The following PTPRG variants were observed in gnomAD, a reference collection of about 807,000 sequenced individuals.
PTPRG encodes receptor-type tyrosine-protein phosphatase gamma.
In PTPRG, 102 loss-of-function variants were observed where a neutral mutation model predicts 165.3. The observed-to-expected ratio is 0.62, with a 90% confidence interval of 0.53 to 0.73. The LOEUF (loss-of-function observed/expected upper bound fraction) is 0.73, where lower values mean the gene tolerates loss of function less well. PTPRG is among the 30% of genes least tolerant of loss of function. PTPRG has a pLI of 0.00. For missense variants in PTPRG, 1,866 were observed against 1,861.4 expected (o/e 1.00, Z -0.05); for synonymous variants, 675 against 669.5 (o/e 1.01, Z -0.13).
At chr3:61,926,185 G>C (rs780060591) in intron 2 of PTPRG, among the ~76,000 whole-genome samples, 14 of 152,140 alleles carry the variant, frequency 9.2e-5, no homozygotes, top group Non-Finnish European at 1.5e-4. Context: ...TTGAGTGGTT[G>C]GTAGCTGATA....
At chr3:61,971,086 G>A (rs1315473869) in intron 2 of PTPRG, among the ~76,000 whole-genome samples, 1 of 152,050 alleles carries the variant, frequency 6.6e-6, no homozygotes, top group African/African-American at 2.4e-5. Context: ...ACGGAATGTC[G>A]CTGTCACCCA....
intron 5 of PTPRG, among the ~76,000 whole-genome samples, chr3:62,081,276 ACAAACAAACAAACAAAC>A (rs1701569148): frequency 6.6e-6 from 1 of 150,954 alleles, no homozygotes; most frequent in African/African-American, 2.5e-5. Flanking sequence ...AAACAAACAA[ACAAACAAACAAACAAAC>A]AAAAACATAA....
intron 4 of PTPRG, among the ~76,000 whole-genome samples, chr3:62,065,947 T>G (rs553288150): frequency 5.3e-5 from 8 of 152,320 alleles, no homozygotes; most frequent in Non-Finnish European, 2.9e-5. Flanking sequence ...TTTAGTTGTT[T>G]TGGATGTGTG....
At chr3:61,714,709 A>G (rs530855749) in intron 1 of PTPRG, among the ~76,000 whole-genome samples, 1 of 152,310 alleles carries the variant, frequency 6.6e-6, no homozygotes, top group East Asian at 1.9e-4. Context: ...TCCTTCCACC[A>G]GGAGGGCTGC....
chr3:61,938,969 T>G (rs2039545868), intron 2 of PTPRG, among the ~76,000 whole-genome samples: 1 of 152,204 alleles, frequency 6.6e-6, no homozygotes, highest in South Asian at 2.1e-4. Context: ...AAAAGTAGAT[T>G]CAGACATCAA....
intron 2 of PTPRG, chr3:61,749,284 T>C: frequency 2.4e-6 from 1 of 420,486 alleles, no homozygotes. Context: ...TTGTCTTTTC[T>C]GTTTTTTCAG....
intron 5 of PTPRG, among the ~76,000 whole-genome samples, chr3:62,083,648 A>G (rs1476938564): frequency 6.6e-6 from 1 of 152,224 alleles, no homozygotes. Flanking sequence ...TTGGTAGAAG[A>G]AAGAGTACCC....
intron 2 of PTPRG, among the ~76,000 whole-genome samples, chr3:61,766,539 A>T (rs2034020643): frequency 6.6e-6 from 1 of 151,966 alleles, no homozygotes; most frequent in Non-Finnish European, 1.5e-5. Context: ...AGCTCTCTTT[A>T]GTAGACTGCA....
chr3:62,168,903 CTCTCAGCAGGA>C (rs1705103056), intron 8 of PTPRG, among the ~76,000 whole-genome samples: 1 of 152,074 alleles, frequency 6.6e-6, no homozygotes, highest in African/African-American at 2.4e-5. Flanking sequence ...GCGGAGTTGG[CTCTCAGCAGGA>C]TGTATAGGGA....
Position 62,217,167 on chromosome 3 carries a change from T to A in PTPRG, c.2156-1684T>A, listed in dbSNP as rs1289407667. 6.6e-6 allele frequency among the ~76,000 whole-genome samples: 1 copy of A among 151,996 alleles called. No individual in the cohort carries two copies. The highest frequency in any genetic ancestry group is 2.4e-5 in the African/African-American group (1 of 41,378). ...CTTGGTAAGAATCTCTCCTATCTAA[T>A]GAAAAAATGGAGCAGGGAGTTAGGA... On this transcript the variant is annotated intron_variant, in intron 12 of 29. Transcript: ENST00000474889. This position sits in a 1 kb window ranked among gnomAD's most constrained non-coding sequence, Gnocchi z 4.3.
intron 2 of PTPRG, among the ~76,000 whole-genome samples, chr3:61,891,234 C>A (rs2038205943): frequency 6.6e-6 from 1 of 152,110 alleles, no homozygotes; most frequent in Non-Finnish European, 1.5e-5. Context: ...AAGAGAATCA[C>A]TTGAATCAGG....
chr3:61,748,820 C>G, intron 1 of PTPRG, 58 bp from the exon 2 acceptor site: 1 of 1,415,178 alleles, frequency 7.1e-7, no homozygotes, highest in East Asian at 2.3e-5. Flanking sequence ...ATTTGACACC[C>G]TTCCTGTATC....
At chr3:62,042,721 G>C (rs967284367) in intron 4 of PTPRG, among the ~76,000 whole-genome samples, 2 of 152,146 alleles carry the variant, frequency 1.3e-5, no homozygotes, top group African/African-American at 4.8e-5. Context: ...ATTCTGTGCT[G>C]TAAGTGCTTG....
chr3:62,041,724 G>C (rs62243286), intron 4 of PTPRG, among the ~76,000 whole-genome samples: 35,660 of 151,880 alleles, frequency 0.23, 4,298 homozygotes, highest in Admixed American at 0.31. Context: ...GTCATATACC[G>C]AGATATGACG....
chr3:62,011,219 T>G (rs2041415401), intron 4 of PTPRG, among the ~76,000 whole-genome samples: 1 of 152,198 alleles, frequency 6.6e-6, no homozygotes. Flanking sequence ...GGAATTGAAT[T>G]GTCCGCCGCT....
At chr3:61,837,072 G>A (rs896509363) in intron 2 of PTPRG, among the ~76,000 whole-genome samples, 1 of 152,134 alleles carries the variant, frequency 6.6e-6, no homozygotes, top group Non-Finnish European at 1.5e-5. Flanking sequence ...CCATCATCAT[G>A]CCCGGCCAAT....
At chr3:62,199,426 C>T (rs1001467994) in intron 10 of PTPRG, among the ~76,000 whole-genome samples, 4 of 151,572 alleles carry the variant, frequency 2.6e-5, no homozygotes, top group African/African-American at 9.8e-5. Flanking sequence ...CATGTGGCCA[C>T]CTAAAGGGGG....
chr3:61,907,180 T>A (rs2038678170), intron 2 of PTPRG, among the ~76,000 whole-genome samples: 1 of 152,080 alleles, frequency 6.6e-6, no homozygotes, highest in African/African-American at 2.4e-5. Context: ...TAGTAAATAT[T>A]TATTATAGAA....
rs528790191 is a variant in PTPRG, at chr3:62,077,261, AGTTT to A, written c.520-889_520-886del. Among the ~76,000 whole-genome samples the A allele has an allele frequency of 2.6e-3, 396 of 150,520 alleles. 1 individual carries two copies. Among genetic ancestry groups the A allele is most frequent in the African/African-American group, 8.9e-3 (364 of 40,778 alleles). ...CAGCCTCGGCCACAGAGTGAGAGTG[AGTTT>A]GTTTGTTTGTTTAAAAAAAAAAAAA... On this transcript the variant is annotated intron_variant, in intron 4 of 29. Transcript: ENST00000474889.
Sources: gnomAD v4.1 joint callset for allele counts (sites outside exome capture counted in the v4.1 genomes callset) on GRCh38, gnomAD v4.1.1 for gene constraint, Gnocchi (gnomAD v3.1) non-coding constraint, MANE v1.5 for transcripts, NCBI Gene and HGNC (gene_info 2026-07-23, HGNC 2026-07-21) for gene names.